HLA-G: variants seen among roughly 807,000 people sequenced by gnomAD.
HLA-G encodes the protein major histocompatibility complex, class I, G.
HLA-G carries 34 observed loss-of-function variants against 39.3 expected under a neutral mutation model. That is an observed-to-expected ratio of 0.86 (90% CI 0.66 to 1.15). The LOEUF is 1.15. HLA-G is among the 50% of genes most tolerant of loss of function. The probability of loss-of-function intolerance (pLI) is 0.00; values close to 1 mark genes in which losing one functional copy is unlikely to be tolerated. For synonymous variants in HLA-G, 183 were observed against 185.8 expected (o/e 0.99, Z 0.12); for missense variants, 419 against 456.4 (o/e 0.92, Z 0.75).
In HLA-G at chr6:29,828,039, G is replaced by C. The variant is rs1251936210; in HGVS notation, c.74-8G>C. On this transcript the variant is annotated splice_region_variant and splice_polypyrimidine_tract_variant and intron_variant, in intron 1 of 6. Coordinates refer to ENST00000360323, the MANE Select transcript of HLA-G (RefSeq NM_001384290.1). ...GTCGGGCGGGTCTCAACCCCTCCTC[G>C]CCCCCAGGCTCCCACTCCATGAGGT... 3 of 1,609,128 alleles carry C rather than the reference G, an allele frequency of 1.9e-6. No individual in the cohort carries two copies. The East Asian group carries it at 6.7e-5, about 36-fold the overall frequency.
At chr6:29,828,463 G>C in intron 2 of HLA-G, 80 bp from the exon 3 acceptor site, 1 of 1,564,736 alleles carries the variant, frequency 6.4e-7, no homozygotes, top group Non-Finnish European at 8.6e-7. Context: ...ACCCCAAGGC[G>C]CCTTTACCAA....
intron 5 of HLA-G, 122 bp from the exon 6 acceptor site, chr6:29,830,256 G>T (rs17179080): frequency 5.4e-6 from 6 of 1,111,432 alleles, no homozygotes; most frequent in Non-Finnish European, 8.3e-6. Flanking sequence ...TCCTGATCCC[G>T]CCCTGGGTCT....
chr6:29,829,831 C>T lies in HLA-G; in HGVS notation c.911C>T (p.Pro304Leu). 6.2e-7 allele frequency: 1 copy of T among 1,613,584 alleles called. No homozygotes were observed. Among genetic ancestry groups the T allele is most frequent in the South Asian group, 1.1e-5 (1 of 91,036 alleles). Residue 304 changes from proline (P) to leucine (L), a missense_variant, in exon 5 of 7, where the codon CCC (proline) becomes CTC (leucine). Pro to Leu is a moderately conservative substitution (Grantham distance 98, BLOSUM62 -3). Transcript: ENST00000360323. ...LMLRWKQSSLPTIPIMGIVAG... is the reference protein window; with the variant it reads ...LMLRWKQSSLLTIPIMGIVAG... ...CCTTTCCCAGAGCAGTCTTCCCTGCCCACCATCCCCATCATGGGTATCGTT... is the reference window on the plus strand; with the variant it reads ...CCTTTCCCAGAGCAGTCTTCCCTGCTCACCATCCCCATCATGGGTATCGTT...
chr6:29,828,439 C>T, intron 2 of HLA-G, 104 bp from the exon 3 acceptor site: 1 of 1,546,776 alleles, frequency 6.5e-7, no homozygotes, highest in Non-Finnish European at 8.7e-7. Context: ...CGCCCAGACC[C>T]TCTACCTGGG....
At chr6:29,826,874 G>A (rs1164254518), upstream of HLA-G, 3 of 395,880 alleles carry the variant, frequency 7.6e-6, no homozygotes, top group East Asian at 2.2e-4. Flanking sequence ...CTAAAAACAG[G>A]CAGTGCGTGA....
chr6:29,828,832 T>A lies in HLA-G; in HGVS notation c.619+14T>A, dbSNP rs1350827228. 6.2e-7 allele frequency: 1 copy of A among 1,608,112 alleles called. No individual in the cohort carries two copies. Among genetic ancestry groups the A allele is most frequent in the Non-Finnish European group, 8.5e-7 (1 of 1,175,622 alleles). On this transcript the variant is annotated intron_variant, in intron 3 of 6. Transcript: ENST00000360323. ...TGCAGCGCGCGGGTACCAGGGGCAG[T>A]GGGGCGCCTCCCTGATCTCCTGTAG...
Position 29,828,072 on chromosome 6 carries a change from C to G in HLA-G, c.99C>G (p.Ser33Arg). 1 of 1,611,610 alleles carries G rather than the reference C, an allele frequency of 6.2e-7. No homozygotes were observed. The highest frequency in any genetic ancestry group is 8.5e-7 in the Non-Finnish European group (1 of 1,179,480). ...GCTCCCACTCCATGAGGTATTTCAG[C>G]GCCGCCGTGTCCCGGCCCGGCCGCG... ...WAGSHSMRYF[S>R]AAVSRPGRGE... The change falls in exon 2 of 7, where the codon AGC becomes AGG. Residue 33 changes from serine (S) to arginine (R), a missense_variant. Transcript: ENST00000360323.
rs1223046879 is a variant in HLA-G, at chr6:29,828,375, GCCCGGGTACT to G, written c.343+64_343+73del. The G allele has an allele frequency of 1.9e-6, 3 of 1,563,380 alleles. No homozygotes were observed. In the African/African-American group the frequency reaches 4.1e-5, roughly 21 times the overall value. On this transcript the variant is annotated intron_variant, in intron 2 of 6. Transcript: ENST00000360323. ...CCCCCACCTCCATGCCCCACGGACG[GCCCGGGTACT>G]CCCGAGTCTCCGGGTCTGGGATCCA...
rs578261803 is a variant in HLA-G at position 29,829,227 on chromosome 6, G to A, written c.620-191G>A. 3.5e-4 allele frequency among the ~76,000 whole-genome samples: 52 copies of A among 149,518 alleles called. 1 individual carries two copies. Among genetic ancestry groups the A allele is most frequent in the Admixed American group, 1.5e-3 (22 of 14,956 alleles). On this transcript the variant is annotated intron_variant, in intron 3 of 6. Coordinates refer to ENST00000360323, the MANE Select transcript of HLA-G (RefSeq NM_001384290.1). Reference sequence around the variant, plus strand: ...CAGAACCGGAGGTCCCTGCTCCCCCGCTCAGAGACTAGAACTTTCCAAGGA... The same window carrying A: ...CAGAACCGGAGGTCCCTGCTCCCCCACTCAGAGACTAGAACTTTCCAAGGA...
intron 6 of HLA-G, 156 bp downstream of exon 6, chr6:29,830,566 C>A: frequency 1.3e-6 from 1 of 794,816 alleles, no homozygotes; most frequent in South Asian, 1.3e-5. Flanking sequence ...GTGACAGTGC[C>A]CAGGGCTCTA....
rs1219083684 is a variant in HLA-G, at chr6:29,829,549, G to A, written c.751G>A (p.Asp251Asn). The A allele has an allele frequency of 1.9e-6, 3 of 1,614,022 alleles. No homozygotes were observed. Among genetic ancestry groups the A allele is most frequent in the Admixed American group, 3.3e-5 (2 of 60,020 alleles). Reference protein sequence around the residue: ...WQRDGEDQTQDVELVETRPAG... With the variant: ...WQRDGEDQTQNVELVETRPAG... Reference sequence around the variant, plus strand: ...GCGGGATGGGGAGGACCAGACCCAGGACGTGGAGCTCGTGGAGACCAGGCC... The same window carrying A: ...GCGGGATGGGGAGGACCAGACCCAGAACGTGGAGCTCGTGGAGACCAGGCC... The change falls in exon 4 of 7, where the codon GAC (aspartate) becomes AAC (asparagine). Residue 251 changes from aspartate (D) to asparagine (N), a missense_variant. Physicochemically the swap from Asp to Asn is conservative, Grantham distance 23 (BLOSUM62 1). Transcript: ENST00000360323.
chr6:29,830,557 T>TTA, intron 6 of HLA-G, 147 bp downstream of exon 6: 1 of 811,250 alleles, frequency 1.2e-6, no homozygotes, highest in African/African-American at 1.7e-5. Flanking sequence ...CTCTAGGCAG[T>TTA]GACAGTGCCC....
At chr6:29,829,270 G>A (rs1047160386) in intron 3 of HLA-G, 148 bp from the exon 4 acceptor site, 3 of 869,192 alleles carry the variant, frequency 3.5e-6, no homozygotes, top group African/African-American at 1.7e-5. Context: ...ATTATCCCAG[G>A]TGCCCGTGTC....
Position 29,828,575 on chromosome 6 carries a change from G to T in HLA-G, c.376G>T (p.Asp126Tyr). ...SHTLQWMIGC[D>Y]LGSDGRLLRG... ...CACCCTCCAGTGGATGATTGGCTGCGACCTGGGGTCCGACGGACGCCTCCT... is the reference window on the plus strand; with the variant it reads ...CACCCTCCAGTGGATGATTGGCTGCTACCTGGGGTCCGACGGACGCCTCCT... The change falls in exon 3 of 7, where the codon GAC (aspartate) becomes TAC (tyrosine). Residue 126 changes from aspartate (D) to tyrosine (Y), a missense_variant. By Grantham distance (160) the Asp-to-Tyr change is radical. Transcript: ENST00000360323. 6.2e-7 allele frequency: 1 copy of T among 1,613,016 alleles called. No individual in the cohort carries two copies. Among genetic ancestry groups the T allele is most frequent in the Non-Finnish European group, 8.5e-7 (1 of 1,179,956 alleles).
At chr6:29,827,819 G>C (rs1304031885), upstream of HLA-G, 2 of 1,606,514 alleles carry the variant, frequency 1.2e-6, no homozygotes, top group African/African-American at 1.3e-5. Context: ...TCACCCACCC[G>C]GACTCATTCT....
chr6:29,830,820 A>C lies in HLA-G; in HGVS notation c.*81A>C. The C allele has an allele frequency of 5.0e-6, 2 of 403,502 alleles. No individual in the cohort carries two copies. The highest frequency in any genetic ancestry group is 9.8e-6 in the Non-Finnish European group (2 of 203,752). 25.0% of individuals were successfully genotyped at this position (403,502 alleles called of 1,614,324 possible). On this transcript the variant is annotated 3_prime_UTR_variant, in exon 7 of 7. Coordinates refer to ENST00000360323, the MANE Select transcript of HLA-G (RefSeq NM_001384290.1). ...GAGTGGCAAGTCCCTTTGTGACTTCAAGAACCCTGACTCCTCTTTGTGCAG... is the reference window on the plus strand; with the variant it reads ...GAGTGGCAAGTCCCTTTGTGACTTCCAGAACCCTGACTCCTCTTTGTGCAG...
rs1463712721 is a variant in HLA-G at position 29,829,573 on chromosome 6, C to A, written c.775C>A (p.Pro259Thr). 1.9e-6 allele frequency: 3 copies of A among 1,613,914 alleles called. No homozygotes were observed. Among genetic ancestry groups the A allele is most frequent in the Non-Finnish European group, 2.5e-6 (3 of 1,180,002 alleles). The change falls in exon 4 of 7, where the codon CCT becomes ACT. Residue 259 changes from proline to threonine, a missense_variant. By Grantham distance (38) the Pro-to-Thr change is conservative (BLOSUM62 -1). Transcript: ENST00000360323. ...GGACGTGGAGCTCGTGGAGACCAGG[C>A]CTGCAGGGGATGGAACCTTCCAGAA... Reference protein sequence around the residue: ...TQDVELVETRPAGDGTFQKWA... With the variant: ...TQDVELVETRTAGDGTFQKWA...
At position 29,828,804 on chromosome 6, in the gene HLA-G, T is replaced by C. The variant is rs760705156; in HGVS notation, c.605T>C (p.Met202Thr). Residue 202 changes from methionine (M) to threonine (T), a missense_variant, in exon 3 of 7, where the codon ATG becomes ACG. Physicochemically the swap from Met to Thr is moderately conservative, Grantham distance 81. This residue lies in a region of HLA-G where 328 missense variants were observed against 323.0 expected (regional missense o/e 1.02). Transcript: ENST00000360323. The stretch of plus-strand genomic sequence containing the variant: ...AGATACCTGGAGAACGGGAAGGAGA[T>C]GCTGCAGCGCGCGGGTACCAGGGGC... The part of the protein sequence containing the change: ...LHRYLENGKE[M>T]LQRADPPKTH... 8.7e-6 allele frequency: 14 copies of C among 1,613,644 alleles called. No homozygotes were observed. The highest frequency in any genetic ancestry group is 1.7e-5 in the Admixed American group (1 of 59,988).
chr6:29,827,247 A>T, upstream of HLA-G: 1 of 371,892 alleles, frequency 2.7e-6, no homozygotes, highest in East Asian at 7.2e-5. Flanking sequence ...AACAAAAAGC[A>T]AACTGGTCTC....
Sources: gnomAD v4.1 joint callset for allele counts (sites outside exome capture counted in the v4.1 genomes callset) on GRCh38, gnomAD v4.1.1 for gene constraint, gnomAD v4.1.1 regional missense constraint, MANE v1.5 for transcripts, NCBI Gene and HGNC (gene_info 2026-07-23, HGNC 2026-07-21) for gene names.